RAPGEF2: variants seen among roughly 807,000 people sequenced by gnomAD.
The protein encoded by RAPGEF2 is Rap guanine nucleotide exchange factor 2.
Under a neutral mutation model 186.7 loss-of-function variants are expected in RAPGEF2, and 54 were observed. The observed-to-expected ratio is 0.29, with a 90% CI of 0.23 to 0.36. RAPGEF2 has a LOEUF of 0.36. Ranked by LOEUF, RAPGEF2 falls within the 10% of genes least tolerant of loss-of-function variation. The pLI is 1.00. For synonymous variants in RAPGEF2, 712 were observed against 705.9 expected (o/e 1.01, Z -0.14); for missense variants, 1,532 against 2,045.0 (o/e 0.75, Z 4.84).
chr4:159,252,551 A>G (rs879602414), intron 7 of RAPGEF2, among the ~76,000 whole-genome samples: 2 of 152,224 alleles, frequency 1.3e-5, no homozygotes, highest in Admixed American at 1.3e-4. Flanking sequence ...TTTTTGAGGA[A>G]TACTGACGGC....
At chr4:159,321,521 A>G (rs899001462) in intron 9 of RAPGEF2, among the ~76,000 whole-genome samples, 1 of 152,146 alleles carries the variant, frequency 6.6e-6, no homozygotes, top group Non-Finnish European at 1.5e-5. Flanking sequence ...CCATCTCTTA[A>G]TTATATGATG....
At chr4:159,140,394 C>A (rs1422824584) in intron 1 of RAPGEF2, among the ~76,000 whole-genome samples, 2 of 152,186 alleles carry the variant, frequency 1.3e-5, no homozygotes, top group African/African-American at 4.8e-5. Context: ...CCTGAACTTA[C>A]CTTTCTCTTT....
At chr4:159,221,753 A>G (rs1751560679) in intron 4 of RAPGEF2, among the ~76,000 whole-genome samples, 1 of 152,164 alleles carries the variant, frequency 6.6e-6, no homozygotes, top group South Asian at 2.1e-4. Flanking sequence ...TATTTGTCCT[A>G]CTGAAAGTTG....
intron 7 of RAPGEF2, among the ~76,000 whole-genome samples, chr4:159,284,244 A>C (rs1760127518): frequency 6.6e-6 from 1 of 152,134 alleles, no homozygotes. Context: ...CTAACGTAGT[A>C]ACACAGTAAT....
intron 1 of RAPGEF2, among the ~76,000 whole-genome samples, chr4:159,183,723 A>G (rs1348262701): frequency 6.6e-6 from 1 of 152,184 alleles, no homozygotes; most frequent in African/African-American, 2.4e-5. Context: ...AGACAGATAA[A>G]CCAATTAAAA....
chr4:159,104,874 G>GA (rs1206180486), intron 1 of RAPGEF2, among the ~76,000 whole-genome samples: 1 of 152,108 alleles, frequency 6.6e-6, no homozygotes, highest in Non-Finnish European at 1.5e-5. Flanking sequence ...CAATTGAAGG[G>GA]AAAAAAAGTT....
chr4:159,332,077 GT>G, intron 16 of RAPGEF2, 43 bp downstream of exon 16: 1 of 1,306,066 alleles, frequency 7.7e-7, no homozygotes, highest in Non-Finnish European at 1.1e-6. Context: ...TTTTGGCCTT[GT>G]TTTTTAGTAT....
At chr4:159,204,120 C>T (rs1241403372) in intron 3 of RAPGEF2, among the ~76,000 whole-genome samples, 1 of 152,228 alleles carries the variant, frequency 6.6e-6, no homozygotes, top group East Asian at 1.9e-4. Context: ...CCAGCTTCTA[C>T]TAGGCATGAT....
Position 159,104,527 on chromosome 4 carries a change from G to GAGAGAGAGA in RAPGEF2, c.69+296_69+297insAGAGAGAGA, listed in dbSNP as rs1560964822. ...GAGAGAGAGAGAGAGAGAGAGAGAG[G>GAGAGAGAGA]GAGAGACAGAGAGAGAGAGAGAGAG... On this transcript the variant is annotated intron_variant, in intron 1 of 29. Coordinates refer to ENST00000691494, the MANE Select transcript of RAPGEF2 (RefSeq NM_001394067.2). 5.6e-3 allele frequency among the ~76,000 whole-genome samples: 494 copies of GAGAGAGAGA among 88,380 alleles called. 28 individuals carry two copies. Among genetic ancestry groups the GAGAGAGAGA allele is most frequent in the East Asian group, 0.019 (48 of 2,514 alleles). 58.0% of individuals were successfully genotyped at this position (88,380 alleles called of 152,430 possible). A position where few individuals can be genotyped will look rare whatever the true frequency, so the allele number is the denominator to read the frequency against.
At chr4:159,251,737 C>T (rs1386796911) in intron 7 of RAPGEF2, among the ~76,000 whole-genome samples, 1 of 152,076 alleles carries the variant, frequency 6.6e-6, no homozygotes, top group Non-Finnish European at 1.5e-5. Context: ...AGCACCCTGT[C>T]AAAACGGGCC....
At chr4:159,132,901 G>A (rs1444711012) in intron 1 of RAPGEF2, among the ~76,000 whole-genome samples, 1 of 141,016 alleles carries the variant, frequency 7.1e-6, no homozygotes, top group Non-Finnish European at 1.5e-5. Flanking sequence ...TTTTTGCATA[G>A]TTCACATGTC....
intron 7 of RAPGEF2, among the ~76,000 whole-genome samples, chr4:159,289,667 A>G (rs1046908799): frequency 2.0e-5 from 3 of 152,194 alleles, no homozygotes; most frequent in Admixed American, 6.5e-5. Context: ...AGACACACCT[A>G]GAGAGGGCAT....
intron 7 of RAPGEF2, among the ~76,000 whole-genome samples, chr4:159,284,508 AC>A (rs1760180748): frequency 7.1e-6 from 1 of 141,408 alleles, no homozygotes. Flanking sequence ...ACACACACAC[AC>A]ACACACACAC....
At chr4:159,106,564 A>G (rs1737910194) in intron 1 of RAPGEF2, among the ~76,000 whole-genome samples, 1 of 152,234 alleles carries the variant, frequency 6.6e-6, no homozygotes. Flanking sequence ...AATAAGCTTG[A>G]TATCATGAAC....
At position 159,359,223 on chromosome 4, in the gene RAPGEF2, G is replaced by A. The variant is rs1307955406; in HGVS notation, c.*1084G>A. ...AGTGAAAGCAGCTTGGGATGTTGGAGCTAATGCCAGCTGTTTATACTGCTC... is the reference window on the plus strand; with the variant it reads ...AGTGAAAGCAGCTTGGGATGTTGGAACTAATGCCAGCTGTTTATACTGCTC... On this transcript the variant is annotated 3_prime_UTR_variant, in exon 30 of 30. Transcript: ENST00000691494. 2 of 152,112 alleles carry A rather than the reference G, an allele frequency of 1.3e-5. No homozygotes were observed. The highest frequency in any genetic ancestry group is 2.9e-5 in the Non-Finnish European group (2 of 68,024). 9.4% of individuals were successfully genotyped at this position (152,112 alleles called of 1,614,324 possible). A position where few individuals can be genotyped will look rare whatever the true frequency, so the allele number is the denominator to read the frequency against.
At chr4:159,117,442 A>G (rs541766559) in intron 1 of RAPGEF2, among the ~76,000 whole-genome samples, 1 of 152,306 alleles carries the variant, frequency 6.6e-6, no homozygotes, top group South Asian at 2.1e-4. Context: ...ATGGGTGAGA[A>G]TTCCTATCTT....
intron 1 of RAPGEF2, among the ~76,000 whole-genome samples, chr4:159,105,589 C>T (rs770652120): frequency 1.3e-5 from 2 of 152,160 alleles, no homozygotes; most frequent in African/African-American, 2.4e-5. Flanking sequence ...AGAAAGTTCC[C>T]ATTCTAAAAG....
chr4:159,181,070 G>A (rs10030614), intron 1 of RAPGEF2, among the ~76,000 whole-genome samples: 2,377 of 152,244 alleles, frequency 0.016, 73 homozygotes, highest in African/African-American at 0.054. Context: ...TGTGTATGAC[G>A]TAATTTGTAT....
At chr4:159,198,607 G>C (rs1447947087) in intron 3 of RAPGEF2, among the ~76,000 whole-genome samples, 1 of 151,364 alleles carries the variant, frequency 6.6e-6, no homozygotes, top group Non-Finnish European at 1.5e-5. Context: ...CACCACGCCT[G>C]GCTAATTTTT....
Sources: allele counts gnomAD v4.1 joint callset (sites outside exome capture counted in the v4.1 genomes callset), GRCh38; gene constraint gnomAD v4.1.1; transcripts MANE v1.5; gene names NCBI Gene and HGNC (gene_info 2026-07-23, HGNC 2026-07-21).